The following PDSS1 variants were observed in gnomAD, a reference collection of about 807,000 sequenced individuals.
PDSS1 encodes the protein decaprenyl diphosphate synthase subunit 1, also known as all trans-polyprenyl-diphosphate synthase PDSS1.
A neutral mutation model predicts 57.5 loss-of-function variants in PDSS1; 43 were observed. That is an observed-to-expected ratio of 0.75 (90% CI 0.59 to 0.96). The LOEUF (loss-of-function observed/expected upper bound fraction) is 0.96, where lower values mean the gene tolerates loss of function less well. PDSS1 is among the 50% of genes least tolerant of loss of function. The pLI is 0.00. For synonymous variants in PDSS1, 175 were observed against 191.3 expected (o/e 0.91, Z 0.70); for missense variants, 438 against 527.8 (o/e 0.83, Z 1.67).
intron 8 of PDSS1, 121 bp from the exon 9 acceptor site, chr10:26,735,119 C>T: frequency 1.3e-6 from 1 of 768,932 alleles, no homozygotes; most frequent in Non-Finnish European, 2.4e-6. Flanking sequence ...ATGTCAGCAT[C>T]TCCTGAGTGT....
At chr10:26,705,628 C>T (rs1325060899) in intron 4 of PDSS1, among the ~76,000 whole-genome samples, 1 of 152,148 alleles carries the variant, frequency 6.6e-6, no homozygotes, top group African/African-American at 2.4e-5. Flanking sequence ...CATGCGCCAT[C>T]ACACCTGGGT....
At chr10:26,742,626 A>C in intron 11 of PDSS1, 49 bp downstream of exon 11, 1 of 1,084,304 alleles carries the variant, frequency 9.2e-7, no homozygotes, top group Non-Finnish European at 1.4e-6. Context: ...CAACGTGGCA[A>C]AATCCTTTAA....
chr10:26,742,388 T>G, intron 10 of PDSS1, 109 bp from the exon 11 acceptor site: 2 of 819,982 alleles, frequency 2.4e-6, no homozygotes, highest in Non-Finnish European at 4.1e-6. Context: ...CTTAGTTTCA[T>G]TTTTGTTGTT....
intron 6 of PDSS1, among the ~76,000 whole-genome samples, chr10:26,722,268 T>A (rs1006112217): frequency 6.6e-6 from 1 of 152,238 alleles, no homozygotes; most frequent in Non-Finnish European, 1.5e-5. Context: ...TTACATAATA[T>A]GTATATTATA....
chr10:26,704,564 A>G (rs1038159331), intron 2 of PDSS1, 113 bp from the exon 3 acceptor site: 17 of 678,290 alleles, frequency 2.5e-5, no homozygotes, highest in Non-Finnish European at 4.5e-5. Context: ...TTTGCAATCT[A>G]CCTGTAAATG....
intron 6 of PDSS1, among the ~76,000 whole-genome samples, chr10:26,721,423 T>TATAC (rs10645608): frequency 0.49 from 72,734 of 149,228 alleles, 17,811 homozygotes; most frequent in Admixed American, 0.52. Flanking sequence ...GATATATGTA[T>TATAC]ACACACACAC....
chr10:26,731,150 G>A (rs1227594718), intron 8 of PDSS1, among the ~76,000 whole-genome samples: 8 of 152,122 alleles, frequency 5.3e-5, no homozygotes, highest in African/African-American at 1.4e-4. Context: ...AGGCCAGGCC[G>A]GCCAACATGG....
intron 11 of PDSS1, among the ~76,000 whole-genome samples, chr10:26,744,979 C>T (rs1371111713): frequency 6.6e-6 from 1 of 151,770 alleles, no homozygotes; most frequent in East Asian, 2.0e-4. Context: ...GCCTGGCCAA[C>T]ATGGTGAAAC....
intron 10 of PDSS1, among the ~76,000 whole-genome samples, chr10:26,740,127 G>T (rs1836536861): frequency 6.8e-6 from 1 of 146,308 alleles, no homozygotes; most frequent in Non-Finnish European, 1.5e-5. Flanking sequence ...GGATGACAGA[G>T]CGAAACTCCA....
intron 9 of PDSS1, 47 bp from the exon 10 acceptor site, chr10:26,735,419 G>C: frequency 7.2e-7 from 1 of 1,398,020 alleles, no homozygotes; most frequent in Non-Finnish European, 1.0e-6. Flanking sequence ...GATGGCAGCA[G>C]TGTTGGCATG....
At chr10:26,705,125 T>G (rs1222791441) in intron 3 of PDSS1, among the ~76,000 whole-genome samples, 161 bp from the exon 4 acceptor site, 2 of 152,222 alleles carry the variant, frequency 1.3e-5, no homozygotes, top group Non-Finnish European at 2.9e-5. Flanking sequence ...TTAGCAAGAA[T>G]AGAATTCTGT....
At chr10:26,733,292 T>C (rs1836278890) in intron 8 of PDSS1, among the ~76,000 whole-genome samples, 1 of 152,114 alleles carries the variant, frequency 6.6e-6, no homozygotes, top group Non-Finnish European at 1.5e-5. Context: ...CTTGCCATGC[T>C]CTCCTTTGAG....
At chr10:26,723,959 G>T (rs1835870829) in intron 7 of PDSS1, 42 bp downstream of exon 7, 1 of 1,582,840 alleles carries the variant, frequency 6.3e-7, no homozygotes, top group Non-Finnish European at 8.7e-7. Flanking sequence ...TTCAACCCTG[G>T]TGTTTAGCCA....
At chr10:26,733,826 T>C (rs1209319) in intron 8 of PDSS1, among the ~76,000 whole-genome samples, 62,912 of 151,722 alleles carry the variant, frequency 0.41, 13,889 homozygotes, top group Admixed American at 0.52. Flanking sequence ...AATTAAAAAT[T>C]AGCTGGGTGT....
At chr10:26,745,771 C>T (rs72629717) in intron 11 of PDSS1, among the ~76,000 whole-genome samples, 3,264 of 151,366 alleles carry the variant, frequency 0.022, 218 homozygotes, top group East Asian at 0.2. Flanking sequence ...CGCTTGAGCC[C>T]GGGAGGTGAA....
chr10:26,739,401 G>C (rs566353466), intron 10 of PDSS1, among the ~76,000 whole-genome samples: 2 of 152,304 alleles, frequency 1.3e-5, no homozygotes, highest in African/African-American at 2.4e-5. Flanking sequence ...TACACATTAA[G>C]GGGACTGGGG....
chr10:26,739,712 C>T (rs1836520856), intron 10 of PDSS1, among the ~76,000 whole-genome samples: 2 of 152,154 alleles, frequency 1.3e-5, no homozygotes, highest in South Asian at 4.1e-4. Flanking sequence ...TATTAAAAAA[C>T]TAAAACAGGC....
intron 1 of PDSS1, among the ~76,000 whole-genome samples, chr10:26,700,003 A>G (rs1328768011): frequency 6.6e-6 from 1 of 152,164 alleles, no homozygotes; most frequent in East Asian, 1.9e-4. Flanking sequence ...AGGGACAAAG[A>G]GCGGCAATAA....
intron 4 of PDSS1, among the ~76,000 whole-genome samples, chr10:26,707,131 G>T (rs1313741611): frequency 6.6e-6 from 1 of 152,192 alleles, no homozygotes; most frequent in African/African-American, 2.4e-5. Context: ...GCCCGCCAGT[G>T]TTGGGGAGGG....
Sources: gnomAD v4.1 joint callset for allele counts (sites outside exome capture counted in the v4.1 genomes callset) on GRCh38, gnomAD v4.1.1 for gene constraint, MANE v1.5 for transcripts, NCBI Gene and HGNC (gene_info 2026-07-23, HGNC 2026-07-21) for gene names.